Variants in NNMT observed in about 807,000 individuals in gnomAD.
The protein encoded by NNMT is nicotinamide N-methyltransferase.
A neutral mutation model predicts 11.7 loss-of-function variants in NNMT; 10 were observed. That is an observed-to-expected ratio of 0.85 (90% confidence interval 0.53 to 1.45). The LOEUF (loss-of-function observed/expected upper bound fraction) is 1.45. Among genes scored for constraint, NNMT ranks in the 40% most tolerant of loss-of-function variants. The pLI is 0.00. For missense variants in NNMT, 381 were observed against 319.4 expected (o/e 1.19, Z -1.47); for synonymous variants, 143 against 133.8 (o/e 1.07, Z -0.48).
At position 114,297,855 on chromosome 11, in the gene NNMT, T is replaced by C. The variant is rs1020330926; in HGVS notation, c.155-96T>C. On this transcript the variant is annotated intron_variant, in intron 1 of 2. Coordinates refer to ENST00000299964, the MANE Select transcript of NNMT (RefSeq NM_006169.3). Reference sequence around the variant, plus strand: ...AACAGTAGTGGTCTGTCTTTGAGGATCGCCAGCACAGTCCCAGGGAAGACA... The same window carrying C: ...AACAGTAGTGGTCTGTCTTTGAGGACCGCCAGCACAGTCCCAGGGAAGACA... The C allele has an allele frequency of 1.3e-5, 13 of 1,018,064 alleles. No homozygotes were observed. In the African/African-American group the frequency reaches 1.9e-4, roughly 15 times the overall value. 63.1% of individuals were successfully genotyped at this position (1,018,064 alleles called of 1,614,324 possible).
At chr11:114,270,217 G>C (rs1177481146) in intron 2 of NNMT, 2 of 151,972 alleles carry the variant, frequency 1.3e-5, no homozygotes, top group African/African-American at 4.8e-5. Context: ...TTGAAAAGAA[G>C]GTATATTTTC....
chr11:114,309,311 G>A (rs1429198461), intron 2 of NNMT, among the ~76,000 whole-genome samples: 1 of 152,128 alleles, frequency 6.6e-6, no homozygotes, highest in East Asian at 1.9e-4. Context: ...GTTGTATCAA[G>A]GCTGGGTGGT....
intron 2 of NNMT, among the ~76,000 whole-genome samples, chr11:114,276,107 G>GGGGGCCCCCCCCCCCCCCCCC: frequency 1.4e-5 from 2 of 142,370 alleles, no homozygotes; most frequent in South Asian, 2.2e-4. Context: ...GTTTCAGGCT[G>GGGGGCCCCCCCCCCCCCCCCC]CCCCCCCACC....
intron 1 of NNMT, among the ~76,000 whole-genome samples, chr11:114,261,056 G>C (rs1007955380): frequency 2.0e-5 from 3 of 152,222 alleles, no homozygotes; most frequent in Non-Finnish European, 4.4e-5. Flanking sequence ...CTATAAACGT[G>C]AGTTATCAAT....
chr11:114,295,622 G>A (rs1340084230), upstream of NNMT, among the ~76,000 whole-genome samples: 1 of 151,588 alleles, frequency 6.6e-6, no homozygotes, highest in African/African-American at 2.4e-5. Context: ...GTAGAGACGG[G>A]GTTTCACCAT....
Position 114,283,274 on chromosome 11 carries a change from C to T in NNMT, c.-129-13154C>T, listed in dbSNP as rs569289798. On this transcript the variant is annotated intron_variant, in intron 2 of 4. Transcript: ENST00000535401. ...GTTGGAAACAATCTGGGTATCTGCT[C>T]CTGGGGGTGTGGATAAATAAATGAG... Among the ~76,000 whole-genome samples the T allele has an allele frequency of 7.2e-5, 11 of 152,182 alleles. No homozygotes were observed. In the South Asian group the frequency reaches 1.5e-3, roughly 20 times the overall value.
intron 2 of NNMT, among the ~76,000 whole-genome samples, chr11:114,286,469 A>G (rs1945300930): frequency 6.6e-6 from 1 of 152,064 alleles, no homozygotes; most frequent in Admixed American, 6.5e-5. Context: ...AAATTATCTC[A>G]TTGTTTTTCT....
intron 2 of NNMT, among the ~76,000 whole-genome samples, chr11:114,299,764 CT>C (rs1376905566): frequency 6.7e-6 from 1 of 149,200 alleles, no homozygotes; most frequent in Non-Finnish European, 1.5e-5. Flanking sequence ...GAAGTTTGTC[CT>C]TTTTATCTTG....
chr11:114,264,474 A>G (rs1321115625), intron 2 of NNMT, among the ~76,000 whole-genome samples: 1 of 152,160 alleles, frequency 6.6e-6, no homozygotes, highest in African/African-American at 2.4e-5. Flanking sequence ...CTCTCACAAC[A>G]TAGTCACATG....
upstream of NNMT, chr11:114,295,929 G>A: frequency 6.6e-6 from 1 of 152,134 alleles, no homozygotes; most frequent in Non-Finnish European, 1.5e-5. Context: ...TGTTTGGCTG[G>A]ACTAGATTTT....
At chr11:114,288,571 G>C (rs1327329198) in intron 2 of NNMT, among the ~76,000 whole-genome samples, 1 of 151,986 alleles carries the variant, frequency 6.6e-6, no homozygotes, top group Non-Finnish European at 1.5e-5. Flanking sequence ...ACTCACCTTG[G>C]CCATTGTATA....
chr11:114,266,239 C>T (rs1488636507), intron 2 of NNMT, among the ~76,000 whole-genome samples: 1 of 152,126 alleles, frequency 6.6e-6, no homozygotes, highest in East Asian at 1.9e-4. Flanking sequence ...CTCGCTGTTT[C>T]CCTTAGAGCT....
chr11:114,303,524 GTCTT>G (rs1260982909), intron 2 of NNMT, among the ~76,000 whole-genome samples: 1 of 152,136 alleles, frequency 6.6e-6, no homozygotes, highest in African/African-American at 2.4e-5. Context: ...TAGATATTGA[GTCTT>G]TAATTTTGGT....
chr11:114,298,302 G>A, intron 2 of NNMT, 144 bp downstream of exon 2: 1 of 667,202 alleles, frequency 1.5e-6, no homozygotes, highest in South Asian at 1.9e-5. Flanking sequence ...GATGAGATAG[G>A]CCCATGTGTG....
chr11:114,298,315 C>T (rs757422664), intron 2 of NNMT, 157 bp downstream of exon 2: 27 of 633,594 alleles, frequency 4.3e-5, no homozygotes, highest in Non-Finnish European at 5.8e-5. Context: ...CATGTGTGTG[C>T]ATGTTAGTAA....
chr11:114,272,124 C>T (rs151337865), intron 2 of NNMT, among the ~76,000 whole-genome samples: 10 of 152,138 alleles, frequency 6.6e-5, no homozygotes, highest in African/African-American at 1.9e-4. Context: ...AAGAAAGGCC[C>T]GGGGGATCAG....
At position 114,312,154 on chromosome 11, in the gene NNMT, G is replaced by A; in HGVS notation, c.472G>A (p.Asp158Asn). 1.9e-6 allele frequency: 3 copies of A among 1,614,196 alleles called. 1 individual carries two copies. In the South Asian group the frequency reaches 3.3e-5, roughly 18 times the overall value. Residue 158 changes from aspartate (D) to asparagine (N), a missense_variant, in exon 3 of 3, where the codon GAC (aspartate) becomes AAC (asparagine). Transcript: ENST00000299964. Reference protein sequence around the residue: ...PLGAVPLPPADCVLSTLCLDA... With the variant: ...PLGAVPLPPANCVLSTLCLDA... ...GGGGGCCGTCCCCTTACCCCCGGCT[G>A]ACTGCGTGCTCAGCACACTGTGTCT... is the stretch of plus-strand genomic sequence containing the variant.
upstream of NNMT, among the ~76,000 whole-genome samples, chr11:114,294,503 G>T (rs11214936): frequency 0.14 from 20,744 of 145,640 alleles, 1,959 homozygotes; most frequent in East Asian, 0.38. Flanking sequence ...AAGTTAGAAA[G>T]ATTGAATAAG....
upstream of NNMT, among the ~76,000 whole-genome samples, chr11:114,294,256 G>A (rs2135267641): frequency 6.6e-6 from 1 of 152,088 alleles, no homozygotes; most frequent in Middle Eastern, 3.4e-3. Flanking sequence ...GCCGAGGTAG[G>A]CGGAACACCT....
Sources: allele counts gnomAD v4.1 joint callset (sites outside exome capture counted in the v4.1 genomes callset), GRCh38; gene constraint gnomAD v4.1.1; transcripts MANE v1.5; gene names NCBI Gene and HGNC (gene_info 2026-07-23, HGNC 2026-07-21).